Variants in CTNNAL1 observed in about 807,000 individuals in gnomAD.
CTNNAL1 encodes the protein catenin alpha like 1.
CTNNAL1 carries 69 observed loss-of-function variants against 93.6 expected under a neutral mutation model. That is an observed-to-expected ratio of 0.74 (90% confidence interval 0.61 to 0.90). The LOEUF (loss-of-function observed/expected upper bound fraction) is 0.90, where lower values mean the gene tolerates loss of function less well. Ranked by LOEUF, CTNNAL1 falls within the 40% of genes least tolerant of loss-of-function variation. The pLI, the probability that CTNNAL1 is intolerant of heterozygous loss-of-function variation, is 0.00. For synonymous variants in CTNNAL1, 286 were observed against 305.4 expected (o/e 0.94, Z 0.66); for missense variants, 836 against 862.0 (o/e 0.97, Z 0.38).
At chr9:108,964,144 A>G (rs1398088498) in intron 11 of CTNNAL1, among the ~76,000 whole-genome samples, 2 of 152,236 alleles carry the variant, frequency 1.3e-5, no homozygotes, top group Non-Finnish European at 2.9e-5. Flanking sequence ...ATGTAACTAT[A>G]AATACAAAGC....
At chr9:108,997,442 G>A (rs1294072278) in intron 2 of CTNNAL1, among the ~76,000 whole-genome samples, 1 of 152,142 alleles carries the variant, frequency 6.6e-6, no homozygotes, top group Non-Finnish European at 1.5e-5. Context: ...TCTGTGAAAT[G>A]TTCTTGTTTT....
chr9:108,959,428 GA>G (rs1830772348), intron 11 of CTNNAL1, among the ~76,000 whole-genome samples: 1 of 146,472 alleles, frequency 6.8e-6, no homozygotes, highest in Admixed American at 6.9e-5. Flanking sequence ...ATCTCTGGGG[GA>G]AAAAAATTAA....
rs1831284079 is a variant in CTNNAL1 at position 108,976,963 on chromosome 9, T to G, written c.1187A>C (p.Glu396Ala). The change falls in exon 8 of 19, where the codon GAA (glutamate) becomes GCA (alanine). Residue 396 changes from glutamate to alanine, a missense_variant and splice_region_variant. Physicochemically the swap from Glu to Ala is moderately radical, Grantham distance 107. Coordinates refer to ENST00000325551, the MANE Select transcript of CTNNAL1 (RefSeq NM_003798.4). Reference protein sequence around the residue: ...ISHSLNELKKELHSTATQLAA... With the variant: ...ISHSLNELKKALHSTATQLAA... ...GGCTAAATTTCAAACTATACTTACT[T>G]CTTTCTTAAGTTCATTAAGACTGTG... 3 of 1,364,826 alleles carry G rather than the reference T, an allele frequency of 2.2e-6. No individual in the cohort carries two copies. The African/African-American group carries it at 4.5e-5, about 21-fold the overall frequency. The allele number at this position is 1,364,826 out of a possible 1,614,324, so 84.5% of individuals were successfully genotyped here.
intron 2 of CTNNAL1, among the ~76,000 whole-genome samples, chr9:108,994,811 T>C (rs1385494170): frequency 6.6e-6 from 1 of 152,222 alleles, no homozygotes; most frequent in Non-Finnish European, 1.5e-5. Context: ...GAGGCAGCTG[T>C]CTGGGTTGCT....
chr9:108,971,355 C>A (rs896849292), intron 9 of CTNNAL1, among the ~76,000 whole-genome samples: 3 of 152,206 alleles, frequency 2.0e-5, no homozygotes, highest in Non-Finnish European at 2.9e-5. Flanking sequence ...GCAAATACCT[C>A]ATACATACAA....
At chr9:108,974,516 T>C (rs1280670273) in intron 8 of CTNNAL1, among the ~76,000 whole-genome samples, 1 of 152,192 alleles carries the variant, frequency 6.6e-6, no homozygotes, top group Admixed American at 6.5e-5. Context: ...TCACCACGTA[T>C]AAAATTTATA....
At position 108,983,272 on chromosome 9, in the gene CTNNAL1, T is replaced by C; in HGVS notation, c.773A>G (p.Lys258Arg). ...HPNCESAHKN[K>R]EGVFDRMKVA... ...TTTCATACGGTCAAATACTCCTTCTTTGTTTTTATGGGCTGATTCGCAGTT... is the reference window on the plus strand; with the variant it reads ...TTTCATACGGTCAAATACTCCTTCTCTGTTTTTATGGGCTGATTCGCAGTT... Residue 258 changes from lysine (K) to arginine (R), a missense_variant, in exon 6 of 19, where the codon AAA (lysine) becomes AGA (arginine). By Grantham distance (26) the Lys-to-Arg change is conservative. Coordinates refer to ENST00000325551, the MANE Select transcript of CTNNAL1 (RefSeq NM_003798.4). 6.3e-7 allele frequency: 1 copy of C among 1,579,840 alleles called. No individual in the cohort carries two copies. The highest frequency in any genetic ancestry group is 8.6e-7 in the Non-Finnish European group (1 of 1,163,390).
At chr9:108,975,343 A>AG (rs1226428841) in intron 8 of CTNNAL1, among the ~76,000 whole-genome samples, 6 of 140,802 alleles carry the variant, frequency 4.3e-5, no homozygotes, top group Non-Finnish European at 7.8e-5. Context: ...GGGTGGGGGT[A>AG]GGGGGGGCAA....
intron 11 of CTNNAL1, among the ~76,000 whole-genome samples, chr9:108,959,015 G>A (rs925375486): frequency 6.6e-6 from 1 of 151,614 alleles, no homozygotes; most frequent in Non-Finnish European, 1.5e-5. Flanking sequence ...CATAATCCCA[G>A]CACTTTGGGA....
At chr9:109,012,076 A>G (rs576027558) in intron 1 of CTNNAL1, among the ~76,000 whole-genome samples, 169 of 152,340 alleles carry the variant, frequency 1.1e-3, no homozygotes, top group African/African-American at 3.8e-3. Flanking sequence ...GACACAGGAA[A>G]AGGGAAGGAG....
chr9:108,978,151 T>C (rs1022953663), intron 7 of CTNNAL1, among the ~76,000 whole-genome samples: 1 of 152,240 alleles, frequency 6.6e-6, no homozygotes, highest in Non-Finnish European at 1.5e-5. Context: ...CAACTCTTTA[T>C]AGTGAGTGTT....
Position 108,983,789 on chromosome 9 carries a change from T to A in CTNNAL1, c.730-474A>T, listed in dbSNP as rs3818741. Among the ~76,000 whole-genome samples the A allele has an allele frequency of 3.9e-5, 6 of 152,274 alleles. No individual in the cohort carries two copies. In the East Asian group the frequency reaches 1.2e-3, roughly 29 times the overall value. On this transcript the variant is annotated intron_variant, in intron 5 of 18. Coordinates refer to ENST00000325551, the MANE Select transcript of CTNNAL1 (RefSeq NM_003798.4). ...TTTTGTGGCTTCACTGATTCTAGCA[T>A]GGGGTAAATACTCTCAGAAGAAAAG...
At chr9:108,972,906 C>T in intron 8 of CTNNAL1, 73 bp from the exon 9 acceptor site, 6 of 1,446,766 alleles carry the variant, frequency 4.1e-6, no homozygotes, top group African/African-American at 1.4e-5. Context: ...AGAAAACAAA[C>T]AATAACATTT....
chr9:108,970,510 T>C lies in CTNNAL1; in HGVS notation c.1348-16A>G, dbSNP rs41278367. ...ATCGACAGGTCTACAAGACAATATG[T>C]CTACAGTTTAACTTTCACATCCTCA... is the stretch of plus-strand genomic sequence containing the variant. On this transcript the variant is annotated splice_polypyrimidine_tract_variant and intron_variant, in intron 9 of 18. Coordinates refer to ENST00000325551, the MANE Select transcript of CTNNAL1 (RefSeq NM_003798.4). 5.5e-3 allele frequency: 8,777 copies of C among 1,594,764 alleles called. 55 individuals are homozygous for C. The highest frequency in any genetic ancestry group is 6.5e-3 in the Non-Finnish European group (7,635 of 1,171,830).
intron 1 of CTNNAL1, among the ~76,000 whole-genome samples, chr9:109,012,869 G>A (rs1447098825): frequency 6.6e-6 from 1 of 152,202 alleles, no homozygotes; most frequent in African/African-American, 2.4e-5. Context: ...ACCAGGCTGC[G>A]AACTGGTGAC....
chr9:108,970,455 G>A lies in CTNNAL1; in HGVS notation c.1387C>T (p.Leu463=), dbSNP rs576416075. 4 of 1,612,634 alleles carry A rather than the reference G, an allele frequency of 2.5e-6. No individual in the cohort carries two copies. The highest frequency in any genetic ancestry group is 1.3e-5 in the African/African-American group (1 of 74,944). The change falls in exon 10 of 19, where the codon CTG becomes TTG. Residue 463 remains leucine (L), a synonymous_variant. Coordinates refer to ENST00000325551, the MANE Select transcript of CTNNAL1 (RefSeq NM_003798.4). ...LLRHISGTEP[L]EITCIHAEET... ...TCTGCATGTATACAGGTTATTTCCAGAGGTTCTGTCCCAGATATGTGTCGT... is the reference window on the plus strand; with the variant it reads ...TCTGCATGTATACAGGTTATTTCCAAAGGTTCTGTCCCAGATATGTGTCGT...
intron 17 of CTNNAL1, 149 bp from the exon 18 acceptor site, chr9:108,943,193 C>CA: frequency 1.4e-6 from 1 of 724,114 alleles, no homozygotes; most frequent in Admixed American, 3.1e-5. Flanking sequence ...TGAGCTGACT[C>CA]AAAGCCCCAG....
At position 108,943,942 on chromosome 9, in the gene CTNNAL1, G is replaced by A. The variant is rs1830322792; in HGVS notation, c.1941+20C>T. The stretch of plus-strand genomic sequence containing the variant: ...ATACATAATACCACCACCAGCTCCA[G>A]GTAGGTAGACATGTGTTACCTGTTT... On this transcript the variant is annotated intron_variant, in intron 16 of 18. Coordinates refer to ENST00000325551, the MANE Select transcript of CTNNAL1 (RefSeq NM_003798.4). 1.2e-6 allele frequency: 2 copies of A among 1,611,638 alleles called. No individual in the cohort carries two copies. Among genetic ancestry groups the A allele is most frequent in the Admixed American group, 3.3e-5 (2 of 59,738 alleles).
intron 11 of CTNNAL1, among the ~76,000 whole-genome samples, chr9:108,958,272 C>G (rs984388193): frequency 6.6e-6 from 1 of 152,118 alleles, no homozygotes; most frequent in African/African-American, 2.4e-5. Flanking sequence ...TGGGGCAAAA[C>G]CAACTGTTTC....
Sources: gnomAD v4.1 joint callset for allele counts (sites outside exome capture counted in the v4.1 genomes callset) on GRCh38, gnomAD v4.1.1 for gene constraint, MANE v1.5 for transcripts, NCBI Gene and HGNC (gene_info 2026-07-23, HGNC 2026-07-21) for gene names.